Variants in LRMDA observed in about 807,000 individuals in gnomAD.
The protein encoded by LRMDA is leucine rich melanocyte differentiation associated, also known as leucine-rich melanocyte differentiation-associated protein.
In LRMDA, 18 loss-of-function variants were observed where a neutral mutation model predicts 29.8. That is an observed-to-expected ratio of 0.60 (90% CI 0.42 to 0.90). The LOEUF is 0.90. Ranked by LOEUF, LRMDA falls within the 40% of genes least tolerant of loss-of-function variation. LRMDA has a pLI of 0.00. For synonymous variants in LRMDA, 125 were observed against 109.4 expected, an observed-to-expected ratio of 1.14 and a Z score of -0.89; for missense variants, 273 against 273.9, an observed-to-expected ratio of 1.00 and a Z score of 0.02.
chr10:75,875,193 G>C (rs931103145), intron 2 of LRMDA, among the ~76,000 whole-genome samples: 1 of 152,198 alleles, frequency 6.6e-6, no homozygotes, highest in African/African-American at 2.4e-5. Context: ...GCATAATGCA[G>C]TGACAGGAGT....
chr10:76,461,410 A>G (rs974584950), intron 6 of LRMDA, among the ~76,000 whole-genome samples: 2 of 152,200 alleles, frequency 1.3e-5, no homozygotes, highest in African/African-American at 4.8e-5. Context: ...GGAGCAGGCT[A>G]TGAGCACTGA....
At chr10:75,565,720 G>A (rs1284544452) in intron 2 of LRMDA, among the ~76,000 whole-genome samples, 3 of 152,146 alleles carry the variant, frequency 2.0e-5, no homozygotes, top group Admixed American at 6.6e-5. Flanking sequence ...CAACCTCATT[G>A]TGAAACTCTG....
Position 76,152,061 on chromosome 10 carries a change from C to A in LRMDA, c.516+93278C>A, listed in dbSNP as rs559495378. On this transcript the variant is annotated intron_variant, in intron 5 of 6. Coordinates refer to ENST00000611255, the MANE Select transcript of LRMDA (RefSeq NM_001305581.2). ...ATAAAATTCTTCGTTTTTAAGTATC[C>A]AATTCATTGGTTTTTAGCATATCCA... Among the ~76,000 whole-genome samples the A allele has an allele frequency of 2.6e-5, 4 of 152,168 alleles. No homozygotes were observed. In the East Asian group the frequency reaches 7.7e-4, roughly 29 times the overall value.
chr10:75,561,970 A>G (rs1230314254), intron 2 of LRMDA, among the ~76,000 whole-genome samples: 2 of 152,030 alleles, frequency 1.3e-5, no homozygotes, highest in African/African-American at 2.4e-5. Context: ...CAATTTTGGA[A>G]TAGGTGTGGT....
intron 5 of LRMDA, among the ~76,000 whole-genome samples, chr10:76,136,078 A>C (rs79465940): frequency 6.6e-6 from 1 of 152,286 alleles, no homozygotes; most frequent in Non-Finnish European, 1.5e-5. Flanking sequence ...CTACTTGATA[A>C]ATATTTGTTA....
At chr10:76,363,211 A>AGGGAGGGAGGGGAGGG (rs1564520715) in intron 6 of LRMDA, among the ~76,000 whole-genome samples, 1 of 10,052 alleles carries the variant, frequency 9.9e-5, no homozygotes, top group Non-Finnish European at 2.7e-4. Context: ...GGAGGGAGGG[A>AGGGAGGGAGGGGAGGG]AGGAAGAGAA....
At chr10:76,002,392 A>G (rs868180646) in intron 2 of LRMDA, among the ~76,000 whole-genome samples, 13 of 152,162 alleles carry the variant, frequency 8.5e-5, no homozygotes, top group African/African-American at 3.1e-4. Flanking sequence ...TTCACTCCCT[A>G]ACATACAGTG....
chr10:75,919,157 G>A (rs1020447696), intron 2 of LRMDA, among the ~76,000 whole-genome samples: 4 of 152,188 alleles, frequency 2.6e-5, no homozygotes, highest in East Asian at 1.9e-4. Context: ...AGAACTGACC[G>A]GGGACAAAGC....
At chr10:76,452,006 C>T (rs1842412743) in intron 6 of LRMDA, among the ~76,000 whole-genome samples, 1 of 152,130 alleles carries the variant, frequency 6.6e-6, no homozygotes, top group South Asian at 2.1e-4. Flanking sequence ...AAGGAATGAC[C>T]TATCCCTAAA....
At chr10:76,390,573 A>T (rs1841711475) in intron 6 of LRMDA, among the ~76,000 whole-genome samples, 2 of 152,030 alleles carry the variant, frequency 1.3e-5, no homozygotes, top group Admixed American at 6.5e-5. Flanking sequence ...TTCAGTCAGT[A>T]TGTACCTGTG....
At chr10:75,938,697 G>A (rs1352633256) in intron 2 of LRMDA, among the ~76,000 whole-genome samples, 1 of 152,120 alleles carries the variant, frequency 6.6e-6, no homozygotes, top group Non-Finnish European at 1.5e-5. Context: ...TTTATTCCTT[G>A]GAGCACACTT....
intron 2 of LRMDA, among the ~76,000 whole-genome samples, chr10:75,915,620 T>C (rs1845920783): frequency 1.3e-5 from 2 of 152,146 alleles, no homozygotes; most frequent in Admixed American, 1.3e-4. Context: ...TCACAGTTTG[T>C]AGGACGACCT....
At chr10:75,472,170 GC>G (rs1844735265) in intron 2 of LRMDA, among the ~76,000 whole-genome samples, 1 of 151,988 alleles carries the variant, frequency 6.6e-6, no homozygotes, top group Non-Finnish European at 1.5e-5. Flanking sequence ...AACATCTATA[GC>G]CTCCAGTCCC....
chr10:76,309,630 G>A (rs1250750412), intron 5 of LRMDA, among the ~76,000 whole-genome samples: 2 of 152,186 alleles, frequency 1.3e-5, no homozygotes, highest in African/African-American at 4.8e-5. Flanking sequence ...GTTTTGCCCA[G>A]ATTTCACAGA....
rs11001461 is a variant in LRMDA at position 75,681,288 on chromosome 10, C to T, written c.131+242794C>T. Among the ~76,000 whole-genome samples, 1,444 of 152,302 alleles carry T rather than the reference C, an allele frequency of 9.5e-3. 11 individuals carry two copies. The highest frequency in any genetic ancestry group is 0.015 in the Non-Finnish European group (1,021 of 68,020). On this transcript the variant is annotated intron_variant, in intron 2 of 6. Coordinates refer to ENST00000611255, the MANE Select transcript of LRMDA (RefSeq NM_001305581.2). Reference sequence around the variant, plus strand: ...GTACCATAATCTCATTTTAATGCTTCAGTAGTTAAGTTGTGCCAAATTGCT... The same window carrying T: ...GTACCATAATCTCATTTTAATGCTTTAGTAGTTAAGTTGTGCCAAATTGCT...
chr10:75,855,036 A>C (rs993199096), intron 2 of LRMDA, among the ~76,000 whole-genome samples: 14 of 152,190 alleles, frequency 9.2e-5, no homozygotes, highest in Non-Finnish European at 2.1e-4. Flanking sequence ...ATACGTGTGC[A>C]TGTGTCTTTA....
intron 6 of LRMDA, among the ~76,000 whole-genome samples, chr10:76,385,789 A>G (rs1028645588): frequency 6.6e-6 from 1 of 152,186 alleles, no homozygotes; most frequent in Non-Finnish European, 1.5e-5. Context: ...GCTGCTTATT[A>G]AAATTGCCAT....
intron 2 of LRMDA, among the ~76,000 whole-genome samples, chr10:75,948,779 C>T (rs552261916): frequency 3.9e-5 from 6 of 152,044 alleles, no homozygotes; most frequent in Admixed American, 3.9e-4. Flanking sequence ...TGTCAGGACC[C>T]ATGGCTGCTG....
At chr10:76,293,982 T>C (rs1477037112) in intron 5 of LRMDA, among the ~76,000 whole-genome samples, 2 of 152,194 alleles carry the variant, frequency 1.3e-5, no homozygotes, top group African/African-American at 2.4e-5. Context: ...GGAGGTTGTT[T>C]TGGTGCTTGT....
Sources: gnomAD v4.1 joint callset for allele counts (sites outside exome capture counted in the v4.1 genomes callset) on GRCh38, gnomAD v4.1.1 for gene constraint, MANE v1.5 for transcripts, NCBI Gene and HGNC (gene_info 2026-07-23, HGNC 2026-07-21) for gene names.